Variants in SYNJ2 observed in about 807,000 individuals in gnomAD.
SYNJ2 encodes the protein synaptojanin 2.
Under a neutral mutation model 141.3 loss-of-function variants are expected in SYNJ2, and 116 were observed. The observed-to-expected ratio is 0.82, with a 90% confidence interval of 0.71 to 0.96. SYNJ2 has a LOEUF of 0.96. Ranked by LOEUF, SYNJ2 falls within the 40% of genes least tolerant of loss-of-function variation. The pLI, the probability that SYNJ2 is intolerant of heterozygous loss-of-function variation, is 0.00. For missense variants in SYNJ2, 1,873 were observed against 1,934.8 expected (o/e 0.97, Z 0.60); for synonymous variants, 745 against 777.7 (o/e 0.96, Z 0.70).
At chr6:158,054,713 C>T (rs1459955997) in intron 5 of SYNJ2, among the ~76,000 whole-genome samples, 2 of 152,180 alleles carry the variant, frequency 1.3e-5, no homozygotes, top group Non-Finnish European at 2.9e-5. Flanking sequence ...GGAAGAATTG[C>T]AGCAGACATG....
chr6:158,068,679 G>A lies in SYNJ2; in HGVS notation c.1750G>A (p.Gly584Arg), dbSNP rs1781716256. The A allele has an allele frequency of 6.2e-7, 1 of 1,614,130 alleles. No homozygotes were observed. Among genetic ancestry groups the A allele is most frequent in the African/African-American group, 1.3e-5 (1 of 74,942 alleles). ...DSSPADIFAVGFEEMVELSAG... is the reference protein window; with the variant it reads ...DSSPADIFAVRFEEMVELSAG... ...CAGCCCAGCTGACATATTTGCTGTGGGGTTTGAAGAGATGGTGGAATTGAG... is the reference window on the plus strand; with the variant it reads ...CAGCCCAGCTGACATATTTGCTGTGAGGTTTGAAGAGATGGTGGAATTGAG... The change falls in exon 13 of 27, where the codon GGG becomes AGG. Residue 584 changes from glycine to arginine, a missense_variant. By Grantham distance (125) the Gly-to-Arg change is moderately radical. Coordinates refer to ENST00000355585, the MANE Select transcript of SYNJ2 (RefSeq NM_003898.4).
rs78269679 is a variant in SYNJ2, at chr6:157,999,633, C to G, written c.127+17545C>G. On this transcript the variant is annotated intron_variant, in intron 1 of 26. Transcript: ENST00000355585. The stretch of plus-strand genomic sequence containing the variant: ...GCGGACAACAGCCTGGTGCAGGACC[C>G]AGAGTGGCAAGAGGTAGTAAGGGGG... 5.5e-3 allele frequency among the ~76,000 whole-genome samples: 832 copies of G among 152,332 alleles called. 14 individuals are homozygous for G. The highest frequency in any genetic ancestry group is 0.018 in the African/African-American group (763 of 41,566).
chr6:157,981,852 C>T, upstream of SYNJ2: 1 of 1,001,070 alleles, frequency 1.0e-6, no homozygotes, highest in Non-Finnish European at 1.3e-6. This position sits in a 1 kb window ranked among gnomAD's most constrained non-coding sequence, Gnocchi z 6.4. Flanking sequence ...GCGGGAGCGG[C>T]GGCGCAAAGT....
chr6:158,022,037 T>C (rs1562330703), intron 2 of SYNJ2, among the ~76,000 whole-genome samples: 2 of 152,176 alleles, frequency 1.3e-5, no homozygotes. Context: ...CTCCCTCATG[T>C]TCTGCAGAAG....
rs777104909 is a variant in SYNJ2 at position 158,033,631 on chromosome 6, G to A, written c.662G>A (p.Arg221His). The A allele has an allele frequency of 1.1e-5, 18 of 1,613,006 alleles. No individual in the cohort carries two copies. Among genetic ancestry groups the A allele is most frequent in the East Asian group, 4.5e-5 (2 of 44,900 alleles). Residue 221 changes from arginine (R) to histidine (H), a missense_variant, in exon 4 of 27, where the codon CGT becomes CAT. Arg to His is a conservative substitution (Grantham distance 29). Transcript: ENST00000355585. ...CERTGTRFHT[R>H]GVNDDGHVSN... ...CGCACAGGCACTCGCTTCCACACCC[G>A]TGGCGTGAACGACGACGGCCATGTG... is the stretch of plus-strand genomic sequence containing the variant.
intron 4 of SYNJ2, among the ~76,000 whole-genome samples, chr6:158,042,084 G>GGC (rs1275730121): frequency 1.3e-5 from 2 of 152,226 alleles, no homozygotes; most frequent in African/African-American, 4.8e-5. Flanking sequence ...GCCTATGCAG[G>GGC]GCACACACGC....
chr6:158,032,074 C>A (rs1161652348), intron 3 of SYNJ2, among the ~76,000 whole-genome samples: 1 of 152,086 alleles, frequency 6.6e-6, no homozygotes, highest in Non-Finnish European at 1.5e-5. Context: ...CAGCATTTTT[C>A]AAGCAGAGGA....
chr6:158,071,530 C>T lies in SYNJ2; in HGVS notation c.1941-72C>T. On this transcript the variant is annotated intron_variant, in intron 14 of 26. Transcript: ENST00000355585. The surrounding 1 kb of genome is among the most constrained non-coding windows in gnomAD (Gnocchi z 4.3). Reference sequence around the variant, plus strand: ...GCAGGTCCCGAGCTGCTGCTGGGCCCTTCTCTGTGGCAAAGCAGGGTCACA... The same window carrying T: ...GCAGGTCCCGAGCTGCTGCTGGGCCTTTCTCTGTGGCAAAGCAGGGTCACA... 8 of 1,547,132 alleles carry T rather than the reference C, an allele frequency of 5.2e-6. No individual in the cohort carries two copies. Among genetic ancestry groups the T allele is most frequent in the Non-Finnish European group, 6.1e-6 (7 of 1,144,250 alleles).
rs1480972618 is a variant in SYNJ2 at position 157,982,039 on chromosome 6, C to T, written c.78C>T (p.Arg26=). Residue 26 remains arginine, a synonymous_variant, in exon 1 of 27, where the codon CGC becomes CGT. Coordinates refer to ENST00000355585, the MANE Select transcript of SYNJ2 (RefSeq NM_003898.4). The surrounding 1 kb of genome is among the most constrained non-coding windows in gnomAD (Gnocchi z 4.0). ...ACTGTAGCGTGCTGCTGGAGGCGCGCGGCCGCGACGACTGCCTGCTGTTCG... is the reference window on the plus strand; with the variant it reads ...ACTGTAGCGTGCTGCTGGAGGCGCGTGGCCGCGACGACTGCCTGCTGTTCG... ...EGDCSVLLEA[R]GRDDCLLFEA... 2 of 1,333,588 alleles carry T rather than the reference C, an allele frequency of 1.5e-6. No individual in the cohort carries two copies. The highest frequency in any genetic ancestry group is 1.9e-6 in the Non-Finnish European group (2 of 1,045,190). The allele number at this position is 1,333,588 out of a possible 1,614,324, so 82.6% of individuals were successfully genotyped here. A position where few individuals can be genotyped will look rare whatever the true frequency, so the allele number is the denominator to read the frequency against.
rs558494180 is a variant in SYNJ2 at position 158,038,283 on chromosome 6, C to T, written c.711+4603C>T. Among the ~76,000 whole-genome samples the T allele has an allele frequency of 9.2e-5, 14 of 152,264 alleles. No individual in the cohort carries two copies. In the South Asian group the frequency reaches 2.7e-3, roughly 29 times the overall value. ...CTCTGGGCTAGACAGGGCTGCTCTC[C>T]ATGAAGTCCCCACCCAACCTTACTC... On this transcript the variant is annotated intron_variant, in intron 4 of 26. Transcript: ENST00000355585.
chr6:158,077,533 C>T (rs1782381757), intron 17 of SYNJ2: 1 of 151,172 alleles, frequency 6.6e-6, no homozygotes, highest in East Asian at 1.9e-4. Context: ...GAGCAAGACA[C>T]AGTAAAAATA....
At chr6:158,065,681 G>A (rs1350769184) in intron 11 of SYNJ2, among the ~76,000 whole-genome samples, 5 of 152,174 alleles carry the variant, frequency 3.3e-5, no homozygotes, top group East Asian at 1.9e-4. Flanking sequence ...ATGGGTTCAC[G>A]GCCCTTTCCA....
At position 158,081,055 on chromosome 6, in the gene SYNJ2, G is replaced by A. The variant is rs547321312; in HGVS notation, c.2568-54G>A. ...GGCTAACTGGGGACTGGAGGCCGGG[G>A]GTGTGGACATCTGTCCCAGGCTAAC... On this transcript the variant is annotated intron_variant, in intron 18 of 26. Coordinates refer to ENST00000355585, the MANE Select transcript of SYNJ2 (RefSeq NM_003898.4). 42 of 1,549,116 alleles carry A rather than the reference G, an allele frequency of 2.7e-5. 1 individual carries two copies. The highest frequency in any genetic ancestry group is 4.5e-5 in the East Asian group (2 of 44,534).
chr6:158,052,690 A>G (rs771125889), intron 5 of SYNJ2, among the ~76,000 whole-genome samples: 9 of 152,210 alleles, frequency 5.9e-5, no homozygotes, highest in African/African-American at 1.7e-4. Flanking sequence ...GGATCTGTCC[A>G]TATGATCCAA....
At chr6:158,063,920 A>C in intron 9 of SYNJ2, 48 bp downstream of exon 9, 1 of 1,594,882 alleles carries the variant, frequency 6.3e-7, no homozygotes, top group South Asian at 1.1e-5. Flanking sequence ...AGGTCCTGTG[A>C]CTTCAGCTGG....
chr6:158,031,833 A>C (rs1327583901), intron 3 of SYNJ2, among the ~76,000 whole-genome samples: 1 of 152,156 alleles, frequency 6.6e-6, no homozygotes, highest in Non-Finnish European at 1.5e-5. Context: ...AGGCAGTGTC[A>C]CTAGAAACAG....
chr6:158,079,533 C>T (rs1357179880), intron 18 of SYNJ2, among the ~76,000 whole-genome samples: 3 of 151,742 alleles, frequency 2.0e-5, no homozygotes, highest in African/African-American at 2.4e-5. Flanking sequence ...TCACCATGCC[C>T]GGCTGATTTT....
At chr6:158,087,201 TC>T (rs1180884580) in intron 23 of SYNJ2, among the ~76,000 whole-genome samples, 1 of 152,208 alleles carries the variant, frequency 6.6e-6, no homozygotes, top group African/African-American at 2.4e-5. Flanking sequence ...ACAGCTCCTT[TC>T]CAAAGCTGCT....
intron 12 of SYNJ2, chr6:158,067,297 G>A: frequency 2.3e-6 from 1 of 436,382 alleles, no homozygotes; most frequent in Non-Finnish European, 3.0e-6. Context: ...GGGATTACAG[G>A]CATGCGCCAC....
Sources: gnomAD v4.1 joint callset for allele counts (sites outside exome capture counted in the v4.1 genomes callset) on GRCh38, gnomAD v4.1.1 for gene constraint, Gnocchi (gnomAD v3.1) non-coding constraint, MANE v1.5 for transcripts, NCBI Gene and HGNC (gene_info 2026-07-23, HGNC 2026-07-21) for gene names.